LHFPL6: variants seen among roughly 807,000 people sequenced by gnomAD.
LHFPL6 encodes the protein LHFPL tetraspan subfamily member 6 protein.
Under a neutral mutation model 20.6 loss-of-function variants are expected in LHFPL6, and 9 were observed. The ratio of observed to expected loss-of-function variants is 0.44; its 90% CI spans 0.26 to 0.76. The LOEUF (loss-of-function observed/expected upper bound fraction) is 0.76. Ranked by LOEUF, LHFPL6 falls within the 30% of genes least tolerant of loss-of-function variation. The pLI is 0.20. For synonymous variants in LHFPL6, 105 were observed against 98.7 expected, an observed-to-expected ratio of 1.06 and a Z score of -0.38; for missense variants, 218 against 253.5, an observed-to-expected ratio of 0.86 and a Z score of 0.95.
chr13:39,348,192 G>A (rs141197104), intron 3 of LHFPL6, among the ~76,000 whole-genome samples: 94 of 152,246 alleles, frequency 6.2e-4, no homozygotes, highest in African/African-American at 2.2e-3. Flanking sequence ...AGCTACAGCC[G>A]ATGCTGTAGA....
intron 2 of LHFPL6, among the ~76,000 whole-genome samples, chr13:39,588,734 G>A (rs775340126): frequency 5.3e-5 from 8 of 152,142 alleles, no homozygotes; most frequent in Non-Finnish European, 1.0e-4. Flanking sequence ...GAAGAATAAG[G>A]TCACATCTTG....
intron 2 of LHFPL6, among the ~76,000 whole-genome samples, chr13:39,467,125 C>T (rs1298762409): frequency 2.0e-5 from 3 of 152,144 alleles, no homozygotes; most frequent in Admixed American, 6.5e-5. Context: ...TTTCCATCTT[C>T]TTTGTGTCCC....
chr13:39,581,437 T>A (rs1872279249), intron 2 of LHFPL6, among the ~76,000 whole-genome samples: 1 of 151,102 alleles, frequency 6.6e-6, no homozygotes, highest in Non-Finnish European at 1.5e-5. Flanking sequence ...ACCAGGAGGC[T>A]ATAATCAGGA....
intron 2 of LHFPL6, among the ~76,000 whole-genome samples, chr13:39,389,106 G>C (rs1008266414): frequency 6.6e-6 from 1 of 152,182 alleles, no homozygotes; most frequent in African/African-American, 2.4e-5. Flanking sequence ...GCAGATTTGG[G>C]GGTTGCATTC....
intron 2 of LHFPL6, among the ~76,000 whole-genome samples, chr13:39,480,403 T>C (rs1446564471): frequency 6.6e-6 from 1 of 152,224 alleles, no homozygotes; most frequent in African/African-American, 2.4e-5. Flanking sequence ...CATCTATTAC[T>C]AAATTCCTCC....
chr13:39,489,041 A>T (rs571510156), intron 2 of LHFPL6, among the ~76,000 whole-genome samples: 1 of 152,284 alleles, frequency 6.6e-6, no homozygotes, highest in East Asian at 1.9e-4. Flanking sequence ...TGATCTGAAC[A>T]ATATCATTTA....
At chr13:39,478,871 C>G (rs74678932) in intron 2 of LHFPL6, among the ~76,000 whole-genome samples, 320 of 152,236 alleles carry the variant, frequency 2.1e-3, no homozygotes, top group African/African-American at 7.5e-3. Flanking sequence ...AGCTTGCAGA[C>G]AGCAGATCAC....
At chr13:39,506,397 A>G (rs1201131210) in intron 2 of LHFPL6, among the ~76,000 whole-genome samples, 2 of 152,360 alleles carry the variant, frequency 1.3e-5, no homozygotes, top group East Asian at 1.9e-4. Flanking sequence ...AAAGGACCTC[A>G]GAGAAGATAG....
chr13:39,574,310 G>A (rs1055745634), intron 2 of LHFPL6, among the ~76,000 whole-genome samples: 3 of 151,984 alleles, frequency 2.0e-5, no homozygotes, highest in South Asian at 2.1e-4. Context: ...GTGAAACCCC[G>A]TCTCTACTAA....
chr13:39,542,141 A>T (rs1870827742), intron 2 of LHFPL6, among the ~76,000 whole-genome samples: 1 of 150,046 alleles, frequency 6.7e-6, no homozygotes, highest in African/African-American at 2.4e-5. Context: ...TAAAATAAAA[A>T]TGCATGGGAC....
intron 2 of LHFPL6, among the ~76,000 whole-genome samples, chr13:39,579,651 C>A (rs1872219527): frequency 6.6e-6 from 1 of 152,086 alleles, no homozygotes; most frequent in African/African-American, 2.4e-5. Context: ...ATATTATTTT[C>A]TTTTTATTTT....
chr13:39,572,155 G>A (rs555441274), intron 2 of LHFPL6, among the ~76,000 whole-genome samples: 12 of 152,284 alleles, frequency 7.9e-5, no homozygotes, highest in South Asian at 2.1e-4. Context: ...AGATAGCAAC[G>A]TAGTAAGCTT....
intron 2 of LHFPL6, among the ~76,000 whole-genome samples, chr13:39,516,856 A>G (rs759004863): frequency 2.2e-4 from 33 of 152,262 alleles, no homozygotes; most frequent in Non-Finnish European, 4.4e-4. Flanking sequence ...CAAAGTGCCA[A>G]CAGTGGAGGG....
chr13:39,596,998 A>G (rs563045570), intron 2 of LHFPL6, among the ~76,000 whole-genome samples: 11 of 152,348 alleles, frequency 7.2e-5, no homozygotes, highest in African/African-American at 2.4e-4. Flanking sequence ...CTTTCATAAC[A>G]TAGAGCAAGG....
chr13:39,601,328 A>G lies in LHFPL6; in HGVS notation c.-112T>C. On this transcript the variant is annotated 5_prime_UTR_variant, in exon 2 of 4. Transcript: ENST00000379589. Reference sequence around the variant, plus strand: ...CAGATAATCCACAGTTCCGTAATGCAGAATGGATCTTCAGTCTTACTGGGC... The same window carrying G: ...CAGATAATCCACAGTTCCGTAATGCGGAATGGATCTTCAGTCTTACTGGGC... The G allele has an allele frequency of 1.9e-6, 2 of 1,072,546 alleles. No homozygotes were observed. The highest frequency in any genetic ancestry group is 2.6e-6 in the Non-Finnish European group (2 of 767,492). The allele number at this position is 1,072,546 out of a possible 1,614,324, so 66.4% of individuals were successfully genotyped here.
intron 2 of LHFPL6, among the ~76,000 whole-genome samples, chr13:39,459,221 T>C (rs1872638273): frequency 6.6e-6 from 1 of 151,460 alleles, no homozygotes; most frequent in African/African-American, 2.4e-5. Flanking sequence ...TGTGTGTGTG[T>C]GTGTGTGTGT....
chr13:39,430,191 T>C (rs530151668), intron 2 of LHFPL6, among the ~76,000 whole-genome samples: 1 of 152,338 alleles, frequency 6.6e-6, no homozygotes, highest in African/African-American at 2.4e-5. Flanking sequence ...TTACCCCCAC[T>C]GCTGAGAATG....
intron 2 of LHFPL6, among the ~76,000 whole-genome samples, chr13:39,447,449 C>T (rs1872322343): frequency 6.6e-6 from 1 of 152,162 alleles, no homozygotes; most frequent in South Asian, 2.1e-4. Flanking sequence ...ATTCATTAAA[C>T]TCCACCCCAT....
At chr13:39,515,490 C>A (rs528545497) in intron 2 of LHFPL6, among the ~76,000 whole-genome samples, 10 of 152,278 alleles carry the variant, frequency 6.6e-5, no homozygotes, top group African/African-American at 2.4e-4. Flanking sequence ...TACCATTTGC[C>A]CTTATTGCTA....
Sources: allele counts gnomAD v4.1 joint callset (sites outside exome capture counted in the v4.1 genomes callset), GRCh38; gene constraint gnomAD v4.1.1; transcripts MANE v1.5; gene names NCBI Gene and HGNC (gene_info 2026-07-23, HGNC 2026-07-21).